NTRK3: variants seen among roughly 807,000 people sequenced by gnomAD.
The protein encoded by NTRK3 is NT-3 growth factor receptor.
In NTRK3, 24 loss-of-function variants were observed where a neutral mutation model predicts 91.7. The observed-to-expected ratio is 0.26, with a 90% CI of 0.19 to 0.37. NTRK3 has a LOEUF of 0.37. Ranked by LOEUF, NTRK3 falls within the 10% of genes least tolerant of loss-of-function variation. The pLI, the probability that NTRK3 is intolerant of heterozygous loss-of-function variation, is 1.00. For synonymous variants in NTRK3, 483 were observed against 404.0 expected (o/e 1.20, Z -2.34); for missense variants, 880 against 1,068.9 (o/e 0.82, Z 2.46).
chr15:88,064,964 C>T (rs570495495), intron 13 of NTRK3, among the ~76,000 whole-genome samples: 9 of 152,162 alleles, frequency 5.9e-5, no homozygotes, highest in South Asian at 2.1e-4. Context: ...TGCTTTTCTT[C>T]GTATCTCCAA....
chr15:88,083,314 A>G (rs1202473345), intron 13 of NTRK3, among the ~76,000 whole-genome samples: 2 of 152,020 alleles, frequency 1.3e-5, no homozygotes. Flanking sequence ...TCTGCCTCCC[A>G]GGTTCAAGCA....
At chr15:87,997,467 C>T (rs1389288947) in intron 14 of NTRK3, among the ~76,000 whole-genome samples, 3 of 152,272 alleles carry the variant, frequency 2.0e-5, no homozygotes, top group South Asian at 2.1e-4. Context: ...CATGACCCTT[C>T]TCCCGCTTGT....
At chr15:87,868,167 G>A (rs927929446) in exon 19 of NTRK3, 1 of 231,532 alleles carries the variant, frequency 4.3e-6, no homozygotes, top group African/African-American at 2.2e-5. Context: ...TTTTGTGTGT[G>A]TGTGTGCGCA....
At position 88,240,153 on chromosome 15, in the gene NTRK3, C is replaced by T. The variant is rs940499803; in HGVS notation, c.248+15753G>A. 1.3e-5 allele frequency among the ~76,000 whole-genome samples: 2 copies of T among 151,336 alleles called. No homozygotes were observed. Among genetic ancestry groups the T allele is most frequent in the East Asian group, 3.9e-4 (2 of 5,158 alleles). ...CCACAGGATTGCCCCCAGAGAAACC[C>T]AGGGCTGCTGCATCTGTATGGCTCC... On this transcript the variant is annotated intron_variant, in intron 3 of 18. Transcript: ENST00000394480. The surrounding 1 kb of genome is among the most constrained non-coding windows in gnomAD (Gnocchi z 4.9).
intron 3 of NTRK3, among the ~76,000 whole-genome samples, chr15:88,203,568 G>A (rs2048478318): frequency 6.6e-6 from 1 of 152,144 alleles, no homozygotes; most frequent in Admixed American, 6.5e-5. Context: ...GCTAAAAGAG[G>A]TTGATTATTG....
At chr15:88,218,987 C>T (rs961348103) in intron 3 of NTRK3, among the ~76,000 whole-genome samples, 6 of 152,250 alleles carry the variant, frequency 3.9e-5, no homozygotes, top group Non-Finnish European at 7.3e-5. Context: ...TGGTCTCTCA[C>T]AACACAGCCT....
At chr15:87,865,958 A>G (rs2064663890) in exon 19 of NTRK3, 1 of 231,382 alleles carries the variant, frequency 4.3e-6, no homozygotes, top group South Asian at 1.8e-4. Context: ...ATGTGTCTCA[A>G]AAGCGGCTCT....
At position 87,939,154 on chromosome 15, in the gene NTRK3, A is replaced by T. The variant is rs185570663; in HGVS notation, c.1716+1469T>A. Among the ~76,000 whole-genome samples the T allele has an allele frequency of 3.3e-5, 5 of 152,330 alleles. No homozygotes were observed. The East Asian group carries it at 9.6e-4, about 29-fold the overall frequency. Reference sequence around the variant, plus strand: ...AAGTTTGGTGACTCCTATTCTAGATAGTCATTGCAAGCTTGGCAGATCATA... The same window carrying T: ...AAGTTTGGTGACTCCTATTCTAGATTGTCATTGCAAGCTTGGCAGATCATA... On this transcript the variant is annotated intron_variant, in intron 15 of 18. Coordinates refer to ENST00000394480, the Ensembl canonical transcript of NTRK3.
chr15:87,973,830 C>G (rs1036082304), intron 14 of NTRK3, among the ~76,000 whole-genome samples: 3 of 152,164 alleles, frequency 2.0e-5, no homozygotes, highest in Admixed American at 2.0e-4. Flanking sequence ...GCCCCTCTCC[C>G]CCTCCCTGTC....
At chr15:88,206,658 G>GA (rs758639696) in intron 3 of NTRK3, among the ~76,000 whole-genome samples, 2,491 of 59,178 alleles carry the variant, frequency 0.042, 100 homozygotes, top group African/African-American at 0.11. Flanking sequence ...ACTCCGTCTC[G>GA]AAAAAAAAAA....
chr15:88,032,069 T>A (rs2078588564), intron 14 of NTRK3, among the ~76,000 whole-genome samples: 1 of 152,030 alleles, frequency 6.6e-6, no homozygotes, highest in Non-Finnish European at 1.5e-5. Context: ...CTTGATGCAG[T>A]GGATCATTTC....
intron 9 of NTRK3, 55 bp from the exon 10 acceptor site, chr15:88,135,452 A>G: frequency 6.3e-7 from 1 of 1,578,394 alleles, no homozygotes; most frequent in Non-Finnish European, 8.6e-7. Context: ...CACCTCCTGC[A>G]GTAGCCTTCC....
At chr15:87,911,464 T>A (rs899580113) in intron 17 of NTRK3, among the ~76,000 whole-genome samples, 2 of 152,194 alleles carry the variant, frequency 1.3e-5, no homozygotes, top group South Asian at 4.1e-4. Flanking sequence ...AAGGATTTTC[T>A]AGAAACCCAA....
At chr15:88,166,966 T>TTC (rs2045023920) in intron 5 of NTRK3, among the ~76,000 whole-genome samples, 1 of 152,150 alleles carries the variant, frequency 6.6e-6, no homozygotes. Context: ...TCCATGAATT[T>TTC]TCTCCCCTCT....
intron 17 of NTRK3, among the ~76,000 whole-genome samples, chr15:87,924,978 T>G (rs2068171581): frequency 6.6e-6 from 1 of 152,178 alleles, no homozygotes; most frequent in South Asian, 2.1e-4. Context: ...ATCTGTATTC[T>G]GAAATCTCAA....
chr15:88,179,883 T>G (rs553771824), intron 5 of NTRK3, among the ~76,000 whole-genome samples: 2 of 152,188 alleles, frequency 1.3e-5, no homozygotes, highest in Non-Finnish European at 2.9e-5. Flanking sequence ...TATTCATCAG[T>G]GTACAATGAA....
chr15:88,158,354 A>G (rs963655692), intron 5 of NTRK3, among the ~76,000 whole-genome samples: 2 of 152,164 alleles, frequency 1.3e-5, no homozygotes, highest in African/African-American at 4.8e-5. Flanking sequence ...TGAGTTCACA[A>G]GGCAATATAG....
chr15:88,149,395 A>G (rs1232666643), intron 5 of NTRK3, among the ~76,000 whole-genome samples: 2 of 152,154 alleles, frequency 1.3e-5, no homozygotes, highest in East Asian at 1.9e-4. Context: ...CCCTGTACCC[A>G]GTACCCTCTC....
At chr15:88,012,303 A>G in intron 14 of NTRK3, among the ~76,000 whole-genome samples, 1 of 152,126 alleles carries the variant, frequency 6.6e-6, no homozygotes, top group East Asian at 1.9e-4. Flanking sequence ...TATTAACACA[A>G]CCTAAAACAC....
Sources: allele counts gnomAD v4.1 joint callset (sites outside exome capture counted in the v4.1 genomes callset), GRCh38; gene constraint gnomAD v4.1.1; non-coding constraint Gnocchi (gnomAD v3.1); transcripts MANE v1.5; gene names NCBI Gene and HGNC (gene_info 2026-07-23, HGNC 2026-07-21).